Variants in SLC44A5 observed in about 807,000 individuals in gnomAD.
SLC44A5 encodes choline transporter-like protein 5.
Under a neutral mutation model 101.8 loss-of-function variants are expected in SLC44A5, and 57 were observed. The observed-to-expected ratio is 0.56, with a 90% CI of 0.45 to 0.70. The LOEUF (loss-of-function observed/expected upper bound fraction) is 0.70. Among genes scored for constraint, SLC44A5 ranks in the 30% least tolerant of loss-of-function variants. The pLI, the probability that SLC44A5 is intolerant of heterozygous loss-of-function variation, is 0.00. For missense variants in SLC44A5, 737 were observed against 853.1 expected (o/e 0.86, Z 1.70); for synonymous variants, 281 against 290.9 (o/e 0.97, Z 0.35).
intron 1 of SLC44A5, among the ~76,000 whole-genome samples, chr1:75,555,050 C>T (rs990603510): frequency 1.5e-4 from 23 of 151,994 alleles, no homozygotes; most frequent in Non-Finnish European, 2.9e-4. Context: ...GTACACTTAA[C>T]GCCAACATTT....
At chr1:75,551,595 A>G (rs901571679) in intron 1 of SLC44A5, among the ~76,000 whole-genome samples, 2 of 152,094 alleles carry the variant, frequency 1.3e-5, no homozygotes, top group African/African-American at 4.8e-5. Flanking sequence ...AAGTTTGGTC[A>G]GAAGGGATCA....
chr1:75,615,601 G>A (rs1017314981), upstream of SLC44A5, among the ~76,000 whole-genome samples: 1 of 152,102 alleles, frequency 6.6e-6, no homozygotes, highest in Non-Finnish European at 1.5e-5. Context: ...GAGTAGCAAA[G>A]GGGTGGGGTG....
chr1:75,375,953 G>A (rs1308204566), intron 3 of SLC44A5, among the ~76,000 whole-genome samples: 4 of 152,180 alleles, frequency 2.6e-5, no homozygotes, highest in African/African-American at 2.4e-5. Context: ...GGAGTGCCAG[G>A]CAGTGGGCGC....
At chr1:75,627,545 C>A in the SLC44A5 span, among the ~76,000 whole-genome samples, 1 of 151,766 alleles carries the variant, frequency 6.6e-6, no homozygotes, top group Non-Finnish European at 1.5e-5. Context: ...TATCCAGGCA[C>A]GGTGGCACAC....
rs575953476 is a variant in SLC44A5, at chr1:75,512,432, G to A, written c.13+29003C>T. On this transcript the variant is annotated intron_variant, in intron 2 of 23. Coordinates refer to ENST00000370859, the MANE Select transcript of SLC44A5 (RefSeq NM_001130058.2). ...TCACCTCTGTAGATTACTTTCTTGA[G>A]TTTTTTTTAGCATTTTCTGAATCCA... 4.3e-4 allele frequency among the ~76,000 whole-genome samples: 66 copies of A among 152,006 alleles called. No individual in the cohort carries two copies. The East Asian group carries it at 0.011, about 26-fold the overall frequency.
At chr1:75,614,201 T>G (rs1675771369), upstream of SLC44A5, among the ~76,000 whole-genome samples, 1 of 152,210 alleles carries the variant, frequency 6.6e-6, no homozygotes, top group African/African-American at 2.4e-5. Context: ...GACTAATTAT[T>G]TGATATTATG....
intron 5 of SLC44A5, among the ~76,000 whole-genome samples, chr1:75,281,634 A>C (rs1454825086): frequency 1.2e-4 from 4 of 32,314 alleles, no homozygotes; most frequent in African/African-American, 9.7e-5. Flanking sequence ...GGCTGGTGCC[A>C]GGCCCCCCCC....
At chr1:75,684,941 G>A in the SLC44A5 span, among the ~76,000 whole-genome samples, 6 of 152,174 alleles carry the variant, frequency 3.9e-5, no homozygotes, top group African/African-American at 1.2e-4. Flanking sequence ...GAGGTTCTCC[G>A]TGAGAGCTCT....
the SLC44A5 span, among the ~76,000 whole-genome samples, chr1:75,693,192 C>G: frequency 2.0e-5 from 3 of 152,114 alleles, no homozygotes; most frequent in Non-Finnish European, 2.9e-5. Context: ...GACAGTTAGT[C>G]AGGAATTCTA....
chr1:75,466,676 A>G (rs1245584318), intron 2 of SLC44A5, among the ~76,000 whole-genome samples: 3 of 151,600 alleles, frequency 2.0e-5, no homozygotes, highest in South Asian at 2.1e-4. Context: ...AAAAAAAAAA[A>G]AAGAAGGAAC....
intron 3 of SLC44A5, among the ~76,000 whole-genome samples, chr1:75,341,307 C>T (rs1657859885): frequency 6.6e-6 from 1 of 152,072 alleles, no homozygotes; most frequent in Admixed American, 6.6e-5. Flanking sequence ...TCCAGAGCAG[C>T]CTGGGTAACC....
At chr1:75,701,090 T>C in the SLC44A5 span, among the ~76,000 whole-genome samples, 1 of 152,184 alleles carries the variant, frequency 6.6e-6, no homozygotes, top group South Asian at 2.1e-4. Flanking sequence ...AAGGAGGAAC[T>C]GGTACCATTC....
the SLC44A5 span, among the ~76,000 whole-genome samples, chr1:75,687,738 G>A: frequency 0.04 from 6,015 of 152,208 alleles, 144 homozygotes; most frequent in Middle Eastern, 0.051. Flanking sequence ...TTTTGCTTTG[G>A]AATAAATCTC....
intron 15 of SLC44A5, 42 bp downstream of exon 15, chr1:75,219,758 A>C: frequency 2.4e-6 from 3 of 1,257,938 alleles, no homozygotes; most frequent in Non-Finnish European, 3.5e-6. Context: ...ACGAGTAGTC[A>C]TGTGAACCTG....
At chr1:75,507,743 G>A (rs928722643) in intron 2 of SLC44A5, among the ~76,000 whole-genome samples, 5 of 152,102 alleles carry the variant, frequency 3.3e-5, no homozygotes, top group Non-Finnish European at 7.4e-5. Flanking sequence ...ATATTGGTTT[G>A]TTCAAGGTAT....
At chr1:75,521,712 TCAAA>T in intron 2 of SLC44A5, 1 of 152,700 alleles carries the variant, frequency 6.5e-6, no homozygotes, top group Non-Finnish European at 1.5e-5. Context: ...AGGTAGAAGC[TCAAA>T]TATAGGAGGT....
At chr1:75,697,534 C>T in the SLC44A5 span, among the ~76,000 whole-genome samples, 1 of 152,150 alleles carries the variant, frequency 6.6e-6, no homozygotes, top group African/African-American at 2.4e-5. Flanking sequence ...AACCTGTAAT[C>T]CTAGCACTTT....
intron 2 of SLC44A5, among the ~76,000 whole-genome samples, chr1:75,429,912 T>TC (rs1353164524): frequency 6.6e-6 from 1 of 152,122 alleles, no homozygotes; most frequent in Non-Finnish European, 1.5e-5. Context: ...CCAAACCATA[T>TC]CAACATCTAT....
At chr1:75,404,446 G>A (rs1157750582) in intron 2 of SLC44A5, among the ~76,000 whole-genome samples, 1 of 152,158 alleles carries the variant, frequency 6.6e-6, no homozygotes, top group Non-Finnish European at 1.5e-5. Flanking sequence ...GGCAGCCAGA[G>A]CAAAAGGTCA....
Sources: gnomAD v4.1 joint callset for allele counts (sites outside exome capture counted in the v4.1 genomes callset) on GRCh38, gnomAD v4.1.1 for gene constraint, MANE v1.5 for transcripts, NCBI Gene and HGNC (gene_info 2026-07-23, HGNC 2026-07-21) for gene names.